Variants in DLC1 observed in about 807,000 individuals in gnomAD.
DLC1 encodes rho GTPase-activating protein 7.
Under a neutral mutation model 140.3 loss-of-function variants are expected in DLC1, and 54 were observed. The observed-to-expected ratio is 0.38, with a 90% CI of 0.31 to 0.48. DLC1 has a LOEUF of 0.48. DLC1 is among the 20% of genes least tolerant of loss of function. The pLI is 0.96. For synonymous variants in DLC1, 986 were observed against 728.1 expected (o/e 1.35, Z -5.70); for missense variants, 2,536 against 1,907.0 (o/e 1.33, Z -6.14).
At chr8:13,476,278 T>C (rs1243941074) in intron 2 of DLC1, among the ~76,000 whole-genome samples, 2 of 152,202 alleles carry the variant, frequency 1.3e-5, no homozygotes, top group African/African-American at 4.8e-5. Flanking sequence ...TTTTAAATCA[T>C]TATACTAATT....
chr8:13,321,103 A>G (rs918276562), intron 4 of DLC1, among the ~76,000 whole-genome samples: 3 of 152,160 alleles, frequency 2.0e-5, no homozygotes, highest in African/African-American at 7.2e-5. Flanking sequence ...TAGCGACACA[A>G]ATGGACTAAG....
At chr8:13,585,269 G>A (rs1805259773) in intron 1 of DLC1, among the ~76,000 whole-genome samples, 1 of 152,126 alleles carries the variant, frequency 6.6e-6, no homozygotes, top group Non-Finnish European at 1.5e-5. Context: ...GGAACATAAA[G>A]AATGAAGAAA....
chr8:13,516,744 G>C (rs1234903142), upstream of DLC1, among the ~76,000 whole-genome samples: 2 of 152,106 alleles, frequency 1.3e-5, no homozygotes, highest in African/African-American at 4.8e-5. Context: ...TCTTTAAAAA[G>C]TATTTATATT....
intron 4 of DLC1, among the ~76,000 whole-genome samples, chr8:13,386,769 A>G (rs1468885581): frequency 6.6e-6 from 1 of 151,848 alleles, no homozygotes; most frequent in East Asian, 1.9e-4. Context: ...TCACATTATA[A>G]TAATCACTGA....
At chr8:13,588,218 A>G (rs532018439) in intron 1 of DLC1, among the ~76,000 whole-genome samples, 266 of 152,170 alleles carry the variant, frequency 1.7e-3, no homozygotes, top group South Asian at 3.7e-3. Context: ...GAATGGGGTT[A>G]AAAAAATAGA....
At chr8:13,245,336 A>T (rs1027451932) in intron 5 of DLC1, among the ~76,000 whole-genome samples, 1 of 152,214 alleles carries the variant, frequency 6.6e-6, no homozygotes, top group Non-Finnish European at 1.5e-5. Flanking sequence ...CTCCTGGCCA[A>T]TATCCCGGAC....
chr8:13,387,056 T>G (rs577277291), intron 4 of DLC1, among the ~76,000 whole-genome samples: 17 of 152,182 alleles, frequency 1.1e-4, no homozygotes, highest in African/African-American at 3.6e-4. Context: ...TTAATTCAAA[T>G]TTTTTGATGT....
chr8:13,103,654 C>A (rs896705740), intron 7 of DLC1, among the ~76,000 whole-genome samples: 20 of 151,916 alleles, frequency 1.3e-4, no homozygotes, highest in Non-Finnish European at 2.8e-4. Flanking sequence ...GCCTGTCCAA[C>A]ATGGCGAAAC....
At chr8:13,447,446 A>G (rs186977513) in intron 2 of DLC1, among the ~76,000 whole-genome samples, 3 of 152,214 alleles carry the variant, frequency 2.0e-5, no homozygotes, top group Non-Finnish European at 2.9e-5. Flanking sequence ...TTTGCCACAC[A>G]TTATCAAATA....
In DLC1 at chr8:13,162,437, C is replaced by G. The variant is rs538420539; in HGVS notation, c.1349-46780G>C. Reference sequence around the variant, plus strand: ...TCCCAGGTTCAAGAGATTTTCCTGCCTCAGCCTTCTGAGTAGCTGGGATTA... The same window carrying G: ...TCCCAGGTTCAAGAGATTTTCCTGCGTCAGCCTTCTGAGTAGCTGGGATTA... On this transcript the variant is annotated intron_variant, in intron 5 of 17. Transcript: ENST00000276297. Among the ~76,000 whole-genome samples, 4 of 152,276 alleles carry G rather than the reference C, an allele frequency of 2.6e-5. No individual in the cohort carries two copies. The East Asian group carries it at 7.7e-4, about 29-fold the overall frequency.
chr8:13,548,392 A>T (rs1203901553), intron 1 of DLC1, among the ~76,000 whole-genome samples: 1 of 152,016 alleles, frequency 6.6e-6, no homozygotes, highest in Non-Finnish European at 1.5e-5. Flanking sequence ...TATTAAATTG[A>T]ATTAATGAAT....
chr8:13,312,610 G>C (rs139352035), intron 4 of DLC1, among the ~76,000 whole-genome samples: 1,727 of 151,840 alleles, frequency 0.011, 14 homozygotes, highest in South Asian at 0.041. Flanking sequence ...TACTATTAAA[G>C]TTTATTCCAA....
In DLC1 at chr8:13,219,123, TATATAATTATATGTGA is replaced by T. The variant is rs1218824438; in HGVS notation, c.1348+86130_1348+86145del. The stretch of plus-strand genomic sequence containing the variant: ...TTATATAATTATATGTGAATATAAT[TATATAATTATATGTGA>T]ATATAATTATATAATTATATGAATA... On this transcript the variant is annotated intron_variant, in intron 5 of 17. Transcript: ENST00000276297. Among the ~76,000 whole-genome samples, 51 of 123,600 alleles carry T rather than the reference TATATAATTATATGTGA, an allele frequency of 4.1e-4. 1 individual carries two copies. In the Admixed American group the frequency reaches 4.3e-3, roughly 10 times the overall value. The allele number at this position is 123,600 out of a possible 152,430, so 81.1% of individuals were successfully genotyped here. A position where few individuals can be genotyped will look rare whatever the true frequency, so the allele number is the denominator to read the frequency against.
At chr8:13,198,242 G>A (rs1827178922) in intron 5 of DLC1, among the ~76,000 whole-genome samples, 1 of 152,206 alleles carries the variant, frequency 6.6e-6, no homozygotes, top group African/African-American at 2.4e-5. Context: ...CAAAATGTGT[G>A]TTGATAACAG....
intron 6 of DLC1, among the ~76,000 whole-genome samples, chr8:13,112,918 C>CA (rs1037526347): frequency 4.6e-5 from 7 of 152,054 alleles, no homozygotes; most frequent in Non-Finnish European, 1.0e-4. Context: ...TTAATATTTA[C>CA]AGAGTATAAT....
chr8:13,429,171 A>G (rs1033950131), intron 2 of DLC1, among the ~76,000 whole-genome samples: 2 of 152,236 alleles, frequency 1.3e-5, no homozygotes, highest in African/African-American at 4.8e-5. Flanking sequence ...TATCAGAAAC[A>G]CTGTGGTTCT....
chr8:13,113,984 T>G (rs1490860847), intron 6 of DLC1, among the ~76,000 whole-genome samples: 1 of 152,242 alleles, frequency 6.6e-6, no homozygotes, highest in Non-Finnish European at 1.5e-5. Context: ...GTTTGAAAGT[T>G]ACCCATAAAA....
At chr8:13,315,732 C>T (rs1032116958) in intron 4 of DLC1, among the ~76,000 whole-genome samples, 1 of 152,152 alleles carries the variant, frequency 6.6e-6, no homozygotes, top group African/African-American at 2.4e-5. Context: ...TCTATCCCAT[C>T]CTCTGTGCAG....
At chr8:13,086,494 T>C (rs145159706) in intron 16 of DLC1, 31 bp from the exon 17 acceptor site, 66 of 1,602,120 alleles carry the variant, frequency 4.1e-5, no homozygotes, top group Non-Finnish European at 5.5e-5. Flanking sequence ...GCAGAAATGA[T>C]GGAATTTCAT....
Sources: allele counts gnomAD v4.1 joint callset (sites outside exome capture counted in the v4.1 genomes callset), GRCh38; gene constraint gnomAD v4.1.1; transcripts MANE v1.5; gene names NCBI Gene and HGNC (gene_info 2026-07-23, HGNC 2026-07-21).